KCTD8: variants seen among roughly 807,000 people sequenced by gnomAD.
KCTD8 encodes potassium channel tetramerization domain containing 8, also known as BTB/POZ domain-containing protein KCTD8.
In KCTD8, 27 loss-of-function variants were observed where a neutral mutation model predicts 31.5. The ratio of observed to expected loss-of-function variants is 0.86; its 90% CI spans 0.63 to 1.18. The LOEUF is 1.18. Ranked by LOEUF, KCTD8 falls within the 50% of genes most tolerant of loss-of-function variation. The pLI, the probability that KCTD8 is intolerant of heterozygous loss-of-function variation, is 0.00. For synonymous variants in KCTD8, 290 were observed against 280.0 expected (o/e 1.04, Z -0.36); for missense variants, 658 against 647.7 (o/e 1.02, Z -0.17).
At chr4:44,257,192 A>G (rs1463022040) in intron 1 of KCTD8, among the ~76,000 whole-genome samples, 1 of 151,960 alleles carries the variant, frequency 6.6e-6, no homozygotes, top group Non-Finnish European at 1.5e-5. Context: ...CTTTGTGAAA[A>G]TCCATCAGTT....
chr4:44,278,317 T>C (rs1390654949), intron 1 of KCTD8, among the ~76,000 whole-genome samples: 2 of 151,972 alleles, frequency 1.3e-5, no homozygotes, highest in African/African-American at 4.8e-5. Context: ...CCAATAGATG[T>C]CAGGGTTTCT....
At chr4:44,218,898 A>T (rs1183473516) in intron 1 of KCTD8, among the ~76,000 whole-genome samples, 1 of 152,162 alleles carries the variant, frequency 6.6e-6, no homozygotes, top group Non-Finnish European at 1.5e-5. Context: ...CTTTCGTAAC[A>T]GTGGAATTAT....
chr4:44,276,215 C>T (rs1716745796), intron 1 of KCTD8, among the ~76,000 whole-genome samples: 1 of 151,962 alleles, frequency 6.6e-6, no homozygotes, highest in Non-Finnish European at 1.5e-5. Flanking sequence ...AAACAATTTC[C>T]ATAATAAGAT....
intron 1 of KCTD8, among the ~76,000 whole-genome samples, chr4:44,347,874 A>G (rs933328754): frequency 2.6e-5 from 4 of 152,272 alleles, no homozygotes; most frequent in African/African-American, 7.2e-5. Context: ...AAATAATTAG[A>G]TACATTTATA....
intron 1 of KCTD8, among the ~76,000 whole-genome samples, chr4:44,443,448 T>C (rs1721861832): frequency 6.6e-6 from 1 of 152,222 alleles, no homozygotes; most frequent in Non-Finnish European, 1.5e-5. Flanking sequence ...TATTTTCAAC[T>C]CAACTAGTTT....
chr4:44,210,347 G>A (rs1039108563), intron 1 of KCTD8, among the ~76,000 whole-genome samples: 1 of 152,048 alleles, frequency 6.6e-6, no homozygotes, highest in Non-Finnish European at 1.5e-5. Flanking sequence ...TCTTATACAT[G>A]TATTGTCTAT....
At chr4:44,230,105 G>T (rs1715079932) in intron 1 of KCTD8, among the ~76,000 whole-genome samples, 1 of 152,062 alleles carries the variant, frequency 6.6e-6, no homozygotes, top group South Asian at 2.1e-4. Flanking sequence ...ATGCCCCTCA[G>T]TCAAATTCTT....
At position 44,428,416 on chromosome 4, in the gene KCTD8, C is replaced by A. The variant is rs372944563; in HGVS notation, c.961+19147G>T. ...CGTAGAAGTCAGGAGCCTAATTTTG[C>A]CTCCAGTCAATTAATAATTAAGACT... On this transcript the variant is annotated intron_variant, in intron 1 of 1. Coordinates refer to ENST00000360029, the MANE Select transcript of KCTD8 (RefSeq NM_198353.3). Among the ~76,000 whole-genome samples, 5 of 151,732 alleles carry A rather than the reference C, an allele frequency of 3.3e-5. No homozygotes were observed. The East Asian group carries it at 5.9e-4, about 18-fold the overall frequency.
intron 1 of KCTD8, among the ~76,000 whole-genome samples, chr4:44,329,832 C>T (rs772249460): frequency 1.3e-5 from 2 of 151,926 alleles, no homozygotes; most frequent in African/African-American, 2.4e-5. Flanking sequence ...GTCTTTTTCA[C>T]ATAAAATTTA....
intron 1 of KCTD8, among the ~76,000 whole-genome samples, chr4:44,272,562 T>C (rs2109373333): frequency 6.6e-6 from 1 of 152,234 alleles, no homozygotes; most frequent in African/African-American, 2.4e-5. Flanking sequence ...GAAAATATTT[T>C]AACACTAAGC....
chr4:44,216,713 C>A (rs114035255), intron 1 of KCTD8, among the ~76,000 whole-genome samples: 1 of 152,070 alleles, frequency 6.6e-6, no homozygotes, highest in Non-Finnish European at 1.5e-5. Context: ...AATTCATGAA[C>A]AGGACTTAAA....
At chr4:44,304,278 G>A (rs964958212) in intron 1 of KCTD8, among the ~76,000 whole-genome samples, 4 of 152,052 alleles carry the variant, frequency 2.6e-5, no homozygotes, top group Non-Finnish European at 5.9e-5. Flanking sequence ...GAATTGACAT[G>A]TCTGACTCAG....
chr4:44,431,042 C>T (rs978490065), intron 1 of KCTD8, among the ~76,000 whole-genome samples: 6 of 151,546 alleles, frequency 4.0e-5, no homozygotes, highest in African/African-American at 1.5e-4. Context: ...AACTGTACTT[C>T]AATAACCAAA....
chr4:44,422,655 T>A (rs1721243619), intron 1 of KCTD8, among the ~76,000 whole-genome samples: 1 of 152,086 alleles, frequency 6.6e-6, no homozygotes, highest in South Asian at 2.1e-4. Context: ...CAGGGTATAG[T>A]AGAATGAGAT....
chr4:44,448,659 C>A lies in KCTD8; in HGVS notation c.-136G>T. On this transcript the variant is annotated 5_prime_UTR_variant, in exon 1 of 2. Coordinates refer to ENST00000360029, the MANE Select transcript of KCTD8 (RefSeq NM_198353.3). The surrounding 1 kb of genome is among the most constrained non-coding windows in gnomAD (Gnocchi z 4.1). ...GGCGCGTTCCTCCGACCGGGGCGGCCCCGCTCAGGGTTCGGGGCAGCGGCG... is the reference window on the plus strand; with the variant it reads ...GGCGCGTTCCTCCGACCGGGGCGGCACCGCTCAGGGTTCGGGGCAGCGGCG... 5 of 986,284 alleles carry A rather than the reference C, an allele frequency of 5.1e-6. No homozygotes were observed. Among genetic ancestry groups the A allele is most frequent in the Non-Finnish European group, 6.6e-6 (5 of 759,252 alleles). The allele number at this position is 986,284 out of a possible 1,614,324, so 61.1% of individuals were successfully genotyped here.
chr4:44,228,600 G>A (rs1037574527), intron 1 of KCTD8, among the ~76,000 whole-genome samples: 5 of 152,274 alleles, frequency 3.3e-5, no homozygotes, highest in African/African-American at 7.2e-5. Context: ...AGGCAAAACT[G>A]CTCTTTGCAT....
chr4:44,406,476 TTTTA>T (rs1720799229), intron 1 of KCTD8, among the ~76,000 whole-genome samples: 1 of 152,062 alleles, frequency 6.6e-6, no homozygotes, highest in Admixed American at 6.6e-5. Flanking sequence ...GATCTGATGG[TTTTA>T]TCAGGGGTTT....
At chr4:44,431,847 C>T (rs10938341) in intron 1 of KCTD8, among the ~76,000 whole-genome samples, 80,247 of 151,250 alleles carry the variant, frequency 0.53, 23,472 homozygotes, top group South Asian at 0.75. Context: ...ATTTGTTCCA[C>T]GACACCTTGA....
At chr4:44,418,469 G>A (rs61180654) in intron 1 of KCTD8, among the ~76,000 whole-genome samples, 1 of 152,016 alleles carries the variant, frequency 6.6e-6, no homozygotes, top group Non-Finnish European at 1.5e-5. Flanking sequence ...GGTTTTTATA[G>A]TCTTTTGTTT....
Sources: gnomAD v4.1 joint callset for allele counts (sites outside exome capture counted in the v4.1 genomes callset) on GRCh38, gnomAD v4.1.1 for gene constraint, Gnocchi (gnomAD v3.1) non-coding constraint, MANE v1.5 for transcripts, NCBI Gene and HGNC (gene_info 2026-07-23, HGNC 2026-07-21) for gene names.